Variants in CDH13 observed in about 807,000 individuals in gnomAD.
The protein encoded by CDH13 is cadherin-13.
CDH13 carries 24 observed loss-of-function variants against 63.8 expected under a neutral mutation model. The observed-to-expected ratio is 0.38, with a 90% CI of 0.27 to 0.53. The LOEUF (loss-of-function observed/expected upper bound fraction) is 0.53, where lower values mean the gene tolerates loss of function less well. CDH13 is among the 20% of genes least tolerant of loss of function. CDH13 has a pLI of 0.85. For missense variants in CDH13, 1,049 were observed against 903.1 expected (o/e 1.16, Z -2.07); for synonymous variants, 503 against 355.3 (o/e 1.42, Z -4.67).
At chr16:83,258,790 C>T (rs1567545072) in intron 5 of CDH13, among the ~76,000 whole-genome samples, 1 of 152,168 alleles carries the variant, frequency 6.6e-6, no homozygotes, top group African/African-American at 2.4e-5. Flanking sequence ...GTTAATGGCA[C>T]AGAGCACATC....
chr16:83,745,336 C>A (rs1028094952), intron 10 of CDH13, among the ~76,000 whole-genome samples: 1 of 152,160 alleles, frequency 6.6e-6, no homozygotes, highest in Non-Finnish European at 1.5e-5. Flanking sequence ...ATTCTCAGGT[C>A]AGTTCACATG....
At chr16:83,230,923 T>A (rs765039483) in intron 5 of CDH13, among the ~76,000 whole-genome samples, 10 of 152,218 alleles carry the variant, frequency 6.6e-5, no homozygotes, top group South Asian at 2.1e-4. Context: ...AATTCTGTAT[T>A]TGGAATGTGA....
chr16:82,790,782 C>T (rs972282849), intron 1 of CDH13, among the ~76,000 whole-genome samples: 1 of 152,104 alleles, frequency 6.6e-6, no homozygotes, highest in African/African-American at 2.4e-5. Flanking sequence ...GGGAGGAGTC[C>T]CTTATAAAAC....
intron 3 of CDH13, among the ~76,000 whole-genome samples, chr16:83,078,794 G>GT (rs1041194549): frequency 5.9e-5 from 9 of 152,002 alleles, no homozygotes; most frequent in Admixed American, 5.9e-4. Context: ...GTTTGTTTTG[G>GT]TTTTTTGGTT....
Position 83,133,550 on chromosome 16 carries a change from A to C in CDH13, c.483+8049A>C, listed in dbSNP as rs148353069. On this transcript the variant is annotated intron_variant, in intron 4 of 13. Transcript: ENST00000567109. ...GTCTTGCTCTGTCACCCACACTGGA[A>C]TGCAGTGGCGTGATCTGTGCTCACT... Among the ~76,000 whole-genome samples the C allele has an allele frequency of 4.3e-3, 647 of 152,222 alleles. 4 individuals carry two copies. The highest frequency in any genetic ancestry group is 0.015 in the African/African-American group (615 of 41,556).
chr16:83,473,599 C>T (rs920590587), intron 6 of CDH13, among the ~76,000 whole-genome samples: 1 of 152,148 alleles, frequency 6.6e-6, no homozygotes, highest in Non-Finnish European at 1.5e-5. Context: ...ATATGTCCCT[C>T]GGGCTTCTGG....
intron 6 of CDH13, among the ~76,000 whole-genome samples, chr16:83,464,059 G>A (rs1377846699): frequency 4.6e-5 from 7 of 152,126 alleles, no homozygotes; most frequent in Admixed American, 3.9e-4. Context: ...CTATGTTCTA[G>A]GGGGATTTTA....
At chr16:82,786,403 A>C (rs899931554) in intron 1 of CDH13, among the ~76,000 whole-genome samples, 1 of 151,490 alleles carries the variant, frequency 6.6e-6, no homozygotes, top group African/African-American at 2.4e-5. Flanking sequence ...GCTTACTTGC[A>C]ATGATCCTTT....
At chr16:82,730,603 T>G (rs1386103216) in intron 1 of CDH13, among the ~76,000 whole-genome samples, 1 of 152,236 alleles carries the variant, frequency 6.6e-6, no homozygotes, top group Non-Finnish European at 1.5e-5. Context: ...TTTGAAATAT[T>G]GCAGGAAAGA....
At chr16:83,485,810 A>C (rs1352435471) in intron 6 of CDH13, among the ~76,000 whole-genome samples, 3 of 152,042 alleles carry the variant, frequency 2.0e-5, no homozygotes, top group Admixed American at 6.6e-5. Context: ...TGTTTCCCCA[A>C]CACGCAGCCC....
chr16:83,098,281 A>T (rs1005723103), intron 3 of CDH13, among the ~76,000 whole-genome samples: 1 of 152,074 alleles, frequency 6.6e-6, no homozygotes, highest in African/African-American at 2.4e-5. Context: ...AAACACTTTC[A>T]TTTTCTCCTT....
At chr16:82,979,902 A>C (rs976305556) in intron 2 of CDH13, among the ~76,000 whole-genome samples, 1 of 152,220 alleles carries the variant, frequency 6.6e-6, no homozygotes, top group Middle Eastern at 3.2e-3. Context: ...AAATCTTGGA[A>C]TACTAGCATT....
At chr16:82,773,845 G>A (rs918901469) in intron 1 of CDH13, among the ~76,000 whole-genome samples, 16 of 150,014 alleles carry the variant, frequency 1.1e-4, no homozygotes, top group East Asian at 9.8e-4. Context: ...GTGCAATTGC[G>A]CGATCTCAGC....
intron 2 of CDH13, among the ~76,000 whole-genome samples, chr16:83,003,086 G>C (rs1249156664): frequency 2.6e-5 from 4 of 152,184 alleles, no homozygotes; most frequent in African/African-American, 9.7e-5. Context: ...ATCTTAATTT[G>C]ATGCCAACCC....
chr16:83,335,522 C>G lies in CDH13; in HGVS notation c.637-9340C>G, dbSNP rs185741660. On this transcript the variant is annotated intron_variant, in intron 5 of 13. Coordinates refer to ENST00000567109, the MANE Select transcript of CDH13 (RefSeq NM_001257.5). ...TGATGATCATTTTATGTTTCTTGCC[C>G]TAAGGGAGGAGACCATCCCTCATAT... is the stretch of plus-strand genomic sequence containing the variant. 1.3e-3 allele frequency among the ~76,000 whole-genome samples: 196 copies of G among 152,168 alleles called. 1 individual carries two copies. Among genetic ancestry groups the G allele is most frequent in the Middle Eastern group, 3.4e-3 (1 of 294 alleles).
At chr16:82,632,852 C>CACTAGATGGTCCCATCTGGGGGTGATGGG (rs1352045690) in intron 1 of CDH13, among the ~76,000 whole-genome samples, 87 of 152,174 alleles carry the variant, frequency 5.7e-4, no homozygotes, top group African/African-American at 2.0e-3. Context: ...GTTTTTCTGC[C>CACTAGATGGTCCCATCTGGGGGTGATGGG]ACTAGATGGT....
intron 8 of CDH13, among the ~76,000 whole-genome samples, chr16:83,654,329 G>T (rs111610388): frequency 3.3e-5 from 5 of 152,050 alleles, no homozygotes; most frequent in Non-Finnish European, 7.4e-5. Flanking sequence ...CCCTCACGTG[G>T]TGGGGTTTAT....
intron 3 of CDH13, among the ~76,000 whole-genome samples, chr16:83,054,838 A>T (rs764571382): frequency 6.6e-6 from 1 of 152,140 alleles, no homozygotes; most frequent in Non-Finnish European, 1.5e-5. Context: ...TGTAATATAG[A>T]TTTTACTAAA....
chr16:83,695,548 G>C (rs1905290694), intron 10 of CDH13, among the ~76,000 whole-genome samples: 1 of 152,130 alleles, frequency 6.6e-6, no homozygotes, highest in Non-Finnish European at 1.5e-5. Context: ...AGTAAACTGT[G>C]ACCCTTTCAC....
Sources: gnomAD v4.1 joint callset for allele counts (sites outside exome capture counted in the v4.1 genomes callset) on GRCh38, gnomAD v4.1.1 for gene constraint, MANE v1.5 for transcripts, NCBI Gene and HGNC (gene_info 2026-07-23, HGNC 2026-07-21) for gene names.